Variants in ZNF536 observed in about 807,000 individuals in gnomAD.
The protein encoded by ZNF536 is zinc finger protein 536.
Under a neutral mutation model 84.5 loss-of-function variants are expected in ZNF536, and 13 were observed. The ratio of observed to expected loss-of-function variants is 0.15; its 90% CI spans 0.10 to 0.24. The LOEUF (loss-of-function observed/expected upper bound fraction) is 0.24, where lower values mean the gene tolerates loss of function less well. ZNF536 is among the 10% of genes least tolerant of loss of function. ZNF536 has a pLI of 1.00. For synonymous variants in ZNF536, 811 were observed against 742.5 expected (o/e 1.09, Z -1.50); for missense variants, 1,536 against 1,747.5 (o/e 0.88, Z 2.16).
intron 2 of ZNF536, among the ~76,000 whole-genome samples, chr19:30,497,377 C>T (rs944908895): frequency 2.0e-4 from 30 of 152,284 alleles, no homozygotes; most frequent in Admixed American, 7.8e-4. Flanking sequence ...CATGCAGGGA[C>T]GCATCCAGTG....
chr19:30,570,281 C>T (rs563930181), intron 1 of ZNF536, among the ~76,000 whole-genome samples: 37 of 152,208 alleles, frequency 2.4e-4, no homozygotes, highest in African/African-American at 8.9e-4. Flanking sequence ...AGACCTCAGG[C>T]GTTGATGAAA....
At chr19:30,262,297 C>A (rs1031924063) in intron 1 of ZNF536, among the ~76,000 whole-genome samples, 2 of 152,230 alleles carry the variant, frequency 1.3e-5, no homozygotes, top group Non-Finnish European at 2.9e-5. Flanking sequence ...CCTCCAGGTG[C>A]AGGTGGGAAG....
intron 1 of ZNF536, among the ~76,000 whole-genome samples, chr19:30,664,480 G>GCA (rs1196338423): frequency 6.6e-6 from 1 of 152,148 alleles, no homozygotes; most frequent in Non-Finnish European, 1.5e-5. Flanking sequence ...AGAGCAACAG[G>GCA]CACTGGTCAG....
intron 3 of ZNF536, 110 bp downstream of exon 3, chr19:30,535,109 G>T (rs79174610): frequency 1.1e-5 from 15 of 1,312,054 alleles, no homozygotes; most frequent in Middle Eastern, 2.5e-4. Flanking sequence ...ACTCTGGAAG[G>T]TTCTCCCTGG....
intron 2 of ZNF536, among the ~76,000 whole-genome samples, chr19:30,526,672 C>T (rs933854109): frequency 1.7e-5 from 2 of 117,308 alleles, no homozygotes; most frequent in Non-Finnish European, 4.1e-5. Context: ...TGCAGTGAGC[C>T]GAGATTGCGC....
chr19:30,287,490 A>G (rs1011883268), intron 2 of ZNF536, among the ~76,000 whole-genome samples: 3 of 149,218 alleles, frequency 2.0e-5, no homozygotes, highest in East Asian at 2.1e-4. Context: ...AGATGGGTGG[A>G]TGGATGAATA....
At position 30,383,772 on chromosome 19, in the gene ZNF536, TTTTCTTTC is replaced by T. The variant is rs1414180619; in HGVS notation, c.-3+11228_-3+11235del. Among the ~76,000 whole-genome samples, 20 of 62,454 alleles carry T rather than the reference TTTTCTTTC, an allele frequency of 3.2e-4. 1 individual carries two copies. The highest frequency in any genetic ancestry group is 6.5e-4 in the Admixed American group (4 of 6,146). 41.0% of individuals were successfully genotyped at this position (62,454 alleles called of 152,430 possible). On this transcript the variant is annotated intron_variant, in intron 1 of 4. Transcript: ENST00000355537. Reference sequence around the variant, plus strand: ...TTCTTTCTTTCTCTTTCTTTCTTTCTTTTCTTTCTTTCTTTCTTTTCTTTCTTTTCTCT... The same window carrying T: ...TTCTTTCTTTCTCTTTCTTTCTTTCTTTTCTTTCTTTTCTTTCTTTTCTCT...
Position 30,461,989 on chromosome 19 carries a change from A to G in ZNF536, c.2170+16257A>G, listed in dbSNP as rs529280494. ...CCATCAGTAGACAAAGAGAAAGAGA[A>G]GAAGGAGATCTCTAATCCTCCGGCC... On this transcript the variant is annotated intron_variant, in intron 2 of 4. Transcript: ENST00000355537. 4.6e-5 allele frequency among the ~76,000 whole-genome samples: 7 copies of G among 152,324 alleles called. No individual in the cohort carries two copies. In the East Asian group the frequency reaches 1.4e-3, roughly 29 times the overall value.
At chr19:30,383,814 CT>C (rs2049165593) in intron 1 of ZNF536, among the ~76,000 whole-genome samples, 1 of 141,968 alleles carries the variant, frequency 7.0e-6, no homozygotes, top group African/African-American at 2.7e-5. Flanking sequence ...CTTTCTTTCT[CT>C]CTTTCTTTCT....
In ZNF536 at chr19:30,595,061, A is replaced by T. The variant is rs559672228; in HGVS notation, c.169+45547A>T. 4.0e-4 allele frequency among the ~76,000 whole-genome samples: 61 copies of T among 152,240 alleles called. 1 individual carries two copies. Among genetic ancestry groups the T allele is most frequent in the African/African-American group, 1.5e-3 (61 of 41,554 alleles). Reference sequence around the variant, plus strand: ...GCTGCAGTGGGCACCGCACAGAGGTAGGTCTCAAAGTGTGGCCAAGGAAGC... The same window carrying T: ...GCTGCAGTGGGCACCGCACAGAGGTTGGTCTCAAAGTGTGGCCAAGGAAGC... On this transcript the variant is annotated intron_variant, in intron 1 of 1. Coordinates refer to the ZNF536 transcript ENST00000592773.
chr19:30,370,760 T>C (rs2048585486), upstream of ZNF536, among the ~76,000 whole-genome samples: 1 of 152,212 alleles, frequency 6.6e-6, no homozygotes. Flanking sequence ...AAAAAATGAT[T>C]AATCAGGTAC....
chr19:30,275,649 T>C (rs192712603), intron 1 of ZNF536, among the ~76,000 whole-genome samples: 293 of 152,290 alleles, frequency 1.9e-3, no homozygotes, highest in Middle Eastern at 3.4e-3. Context: ...CACAGAACTT[T>C]GGGGCTAGTG....
At chr19:30,325,978 C>T (rs1310054990) in intron 2 of ZNF536, among the ~76,000 whole-genome samples, 1 of 152,220 alleles carries the variant, frequency 6.6e-6, no homozygotes, top group Non-Finnish European at 1.5e-5. Context: ...CTTGTCTCCT[C>T]TCTGCTAAAT....
At chr19:30,352,238 A>G (rs1381211550) in intron 2 of ZNF536, 2 of 152,244 alleles carry the variant, frequency 1.3e-5, no homozygotes, top group African/African-American at 4.8e-5. Flanking sequence ...TTCCATTCTC[A>G]TACACCGGAT....
rs1485647060 is a variant in ZNF536 at position 30,284,478 on chromosome 19, G to C, written c.-120+337G>C. Among the ~76,000 whole-genome samples the C allele has an allele frequency of 1.3e-5, 2 of 152,048 alleles. 1 individual carries two copies. The highest frequency in any genetic ancestry group is 4.1e-4 in the South Asian group (2 of 4,828). Reference sequence around the variant, plus strand: ...TGGTGGGGCTTTTGCTAAAGGCCGAGTGACCTCGTCCAAGTGCCACCTGTG... The same window carrying C: ...TGGTGGGGCTTTTGCTAAAGGCCGACTGACCTCGTCCAAGTGCCACCTGTG... On this transcript the variant is annotated intron_variant, in intron 2 of 5. Transcript: ENST00000585628.
intron 3 of ZNF536, among the ~76,000 whole-genome samples, chr19:30,545,385 CTTTTTTTTTTTTTTTTTT>C (rs772761287): frequency 1.5e-5 from 1 of 67,660 alleles, no homozygotes; most frequent in Non-Finnish European, 2.8e-5. Flanking sequence ...TCCCATATGT[CTTTTTTTTTTTTTTTTTT>C]TTTTTTTTTT....
chr19:30,385,218 G>A (rs1251243646), intron 1 of ZNF536, among the ~76,000 whole-genome samples: 1 of 151,856 alleles, frequency 6.6e-6, no homozygotes, highest in East Asian at 1.9e-4. Flanking sequence ...GAAATCGGGT[G>A]GAAATGGACA....
chr19:30,529,297 C>T (rs1047560964), intron 2 of ZNF536, among the ~76,000 whole-genome samples: 2 of 152,112 alleles, frequency 1.3e-5, no homozygotes, highest in African/African-American at 2.4e-5. Flanking sequence ...CCATTCAAAT[C>T]ATGTTTGTAT....
chr19:30,666,106 A>C (rs897912205), intron 1 of ZNF536, among the ~76,000 whole-genome samples: 1 of 152,174 alleles, frequency 6.6e-6, no homozygotes, highest in African/African-American at 2.4e-5. Flanking sequence ...TTTAGGGTTG[A>C]TCTAGACAGA....
Sources: allele counts gnomAD v4.1 joint callset (sites outside exome capture counted in the v4.1 genomes callset), GRCh38; gene constraint gnomAD v4.1.1; transcripts MANE v1.5; gene names NCBI Gene and HGNC (gene_info 2026-07-23, HGNC 2026-07-21).